TET2: variants seen among roughly 807,000 people sequenced by gnomAD.
TET2 encodes methylcytosine dioxygenase TET2.
TET2 carries 299 observed loss-of-function variants against 142.9 expected under a neutral mutation model. The ratio of observed to expected loss-of-function variants is 2.09; its 90% CI spans 1.90 to 2.30. The LOEUF (loss-of-function observed/expected upper bound fraction) is 2.30, where lower values mean the gene tolerates loss of function less well. Among genes scored for constraint, TET2 ranks in the 30% most tolerant of loss-of-function variants. TET2 has a pLI of 0.00. For synonymous variants in TET2, 819 were observed against 849.0 expected (o/e 0.96, Z 0.61); for missense variants, 2,418 against 2,378.0 (o/e 1.02, Z -0.35).
Position 105,235,444 on chromosome 4 carries a change from G to GT in TET2, c.1504dup (p.Ser502PhefsTer2). 6.2e-7 allele frequency: 1 copy of GT among 1,614,184 alleles called. No homozygotes were observed. Among genetic ancestry groups the GT allele is most frequent in the Non-Finnish European group, 8.5e-7 (1 of 1,180,024 alleles). On this transcript the variant is annotated frameshift_variant, in exon 3 of 11. Transcript: ENST00000380013. LOFTEE classifies it high-confidence loss of function. ...GCAGGGACAATGACTGTTCCATTGT[G>GT]TTCTGAGAAAACAAGACCAATGTCA...
intron 8 of TET2, among the ~76,000 whole-genome samples, chr4:105,267,920 A>G (rs1730768684): frequency 6.6e-6 from 1 of 152,152 alleles, no homozygotes; most frequent in Non-Finnish European, 1.5e-5. Flanking sequence ...ACATTCATAA[A>G]AGGAAACTTT....
At chr4:105,218,448 T>C (rs1727623010) in intron 2 of TET2, among the ~76,000 whole-genome samples, 1 of 152,092 alleles carries the variant, frequency 6.6e-6, no homozygotes, top group South Asian at 2.1e-4. Flanking sequence ...TTTAGCTTGT[T>C]TACTTATGTG....
intron 3 of TET2, chr4:105,240,738 C>G (rs1044060490): frequency 2.4e-5 from 26 of 1,080,114 alleles, no homozygotes; most frequent in Non-Finnish European, 2.8e-5. Context: ...TTGCAACAGC[C>G]CCTTCTTTTT....
intron 1 of TET2, among the ~76,000 whole-genome samples, chr4:105,148,656 G>C (rs1294187363): frequency 6.6e-6 from 1 of 152,130 alleles, no homozygotes; most frequent in Non-Finnish European, 1.5e-5. Context: ...ACTAAGGGGA[G>C]TTATGTTCTT....
In TET2 at chr4:105,235,966, C is replaced by G. The variant is rs1226795425; in HGVS notation, c.2024C>G (p.Ser675Ter). The stretch of plus-strand genomic sequence containing the variant: ...CATTTACCAAAAGCTCATGTGCAGT[C>G]ACTGTGTGGCACTAGATTTCATTTT... Reference protein sequence around the residue: ...TDHLPKAHVQSLCGTRFHFQQ... With the variant: ...TDHLPKAHVQ Residue 675 changes from serine (S) to a stop codon, truncating the protein, a stop_gained, in exon 3 of 11, where the codon TCA (serine) becomes TGA (stop). Transcript: ENST00000380013. LOFTEE classifies it high-confidence loss of function. The G allele has an allele frequency of 6.2e-7, 1 of 1,614,156 alleles. No homozygotes were observed. Among genetic ancestry groups the G allele is most frequent in the Non-Finnish European group, 8.5e-7 (1 of 1,180,006 alleles).
intron 8 of TET2, among the ~76,000 whole-genome samples, chr4:105,263,533 C>A (rs114471499): frequency 3.7e-4 from 57 of 152,196 alleles, no homozygotes; most frequent in African/African-American, 1.4e-3. Context: ...ACAGGTAGTT[C>A]TATTAACTAG....
At chr4:105,229,794 G>A (rs1443653526) in intron 2 of TET2, among the ~76,000 whole-genome samples, 2 of 151,452 alleles carry the variant, frequency 1.3e-5, no homozygotes, top group African/African-American at 2.4e-5. Context: ...ATTTTACAAA[G>A]GTATAGGTTG....
chr4:105,265,448 A>G (rs184224056), intron 8 of TET2, among the ~76,000 whole-genome samples: 1 of 152,342 alleles, frequency 6.6e-6, no homozygotes, highest in East Asian at 1.9e-4. Context: ...ATTTTTTAGG[A>G]GATGGCATAA....
chr4:105,171,320 A>G (rs757498424), intron 1 of TET2: 1 of 152,202 alleles, frequency 6.6e-6, no homozygotes, highest in Non-Finnish European at 1.5e-5. Context: ...TGAAAAAATG[A>G]TAATGATTAA....
In TET2 at chr4:105,235,736, T is replaced by A. The variant is rs1269738916; in HGVS notation, c.1794T>A (p.Asn598Lys). 1.2e-6 allele frequency: 2 copies of A among 1,614,080 alleles called. No individual in the cohort carries two copies. The highest frequency in any genetic ancestry group is 1.7e-6 in the Non-Finnish European group (2 of 1,180,004). Reference sequence around the variant, plus strand: ...TTCAGTATCAACCCAATCTCTCCAATCAAATGACCTCCAAACAATACACTG... The same window carrying A: ...TTCAGTATCAACCCAATCTCTCCAAACAAATGACCTCCAAACAATACACTG... ...SILQYQPNLS[N>K]QMTSKQYTGN... Residue 598 changes from asparagine to lysine, a missense_variant, in exon 3 of 11, where the codon AAT (asparagine) becomes AAA (lysine). Coordinates refer to ENST00000380013, the MANE Select transcript of TET2 (RefSeq NM_001127208.3).
Position 105,236,542 on chromosome 4 carries a change from A to C in TET2, c.2600A>C (p.Tyr867Ser), listed in dbSNP as rs765107506. 6.2e-7 allele frequency: 1 copy of C among 1,614,074 alleles called. No individual in the cohort carries two copies. ...ACCCAAAACTTGCATCACATGCAAT[A>C]TTTTCCAAATAATGTGATCCCAAAG... Reference protein sequence around the residue: ...NKTQNLHHMQYFPNNVIPKQD... With the variant: ...NKTQNLHHMQSFPNNVIPKQD... Residue 867 changes from tyrosine to serine, a missense_variant, in exon 3 of 11, where the codon TAT (tyrosine) becomes TCT (serine). Coordinates refer to ENST00000380013, the MANE Select transcript of TET2 (RefSeq NM_001127208.3).
At position 105,275,232 on chromosome 4, in the gene TET2, T is replaced by C; in HGVS notation, c.4722T>C (p.Asn1574=). The change falls in exon 11 of 11, where the codon AAT becomes AAC. Residue 1574 remains asparagine, a synonymous_variant. Coordinates refer to ENST00000380013, the MANE Select transcript of TET2 (RefSeq NM_001127208.3). ...CCAATCCATACATGAGACGGCCCAA[T>C]CCAGTTAGTCCTTATCCAAACTCTT... is the stretch of plus-strand genomic sequence containing the variant. The part of the protein sequence containing the change: ...GSTNPYMRRP[N]PVSPYPNSSH... 1 of 1,552,310 alleles carries C rather than the reference T, an allele frequency of 6.4e-7. No homozygotes were observed. Among genetic ancestry groups the C allele is most frequent in the Non-Finnish European group, 8.7e-7 (1 of 1,147,118 alleles).
chr4:105,243,898 C>G, intron 6 of TET2, 120 bp downstream of exon 6: 1 of 839,172 alleles, frequency 1.2e-6, no homozygotes, highest in Non-Finnish European at 1.9e-6. Context: ...CATCAAAATG[C>G]CTGTTTGGCA....
At chr4:105,221,226 A>G (rs1727795683) in intron 2 of TET2, among the ~76,000 whole-genome samples, 1 of 152,182 alleles carries the variant, frequency 6.6e-6, no homozygotes, top group African/African-American at 2.4e-5. Flanking sequence ...TTCAAAAAAC[A>G]ATTCCAGGAT....
Position 105,259,751 on chromosome 4 carries a change from T to G in TET2, c.3936T>G (p.Leu1312=), listed in dbSNP as rs1407564544. 6.4e-7 allele frequency: 1 copy of G among 1,550,892 alleles called. No homozygotes were observed. Among genetic ancestry groups the G allele is most frequent in the Admixed American group, 2.0e-5 (1 of 50,966 alleles). ...AGATCCCAAGGAAGTTTAAGCTGCT[T>G]GGGGATGACCCAAAAGAGGTTTGTT... is the stretch of plus-strand genomic sequence containing the variant. ...RSKIPRKFKL[L]GDDPKEEEKL... is the part of the protein sequence containing the mutation. Residue 1312 remains leucine (L), a synonymous_variant, in exon 7 of 11, where the codon CTT becomes CTG. Coordinates refer to ENST00000380013, the MANE Select transcript of TET2 (RefSeq NM_001127208.3).
chr4:105,261,899 A>T, intron 8 of TET2, 51 bp downstream of exon 8: 2 of 1,052,954 alleles, frequency 1.9e-6, no homozygotes, highest in Non-Finnish European at 2.8e-6. Context: ...CTTGTTACTA[A>T]TGACCTATGT....
Position 105,272,874 on chromosome 4 carries a change from G to T in TET2, c.4493G>T (p.Arg1498Leu). The change falls in exon 10 of 11, where the codon CGT (arginine) becomes CTT (leucine). Residue 1498 changes from arginine (R) to leucine (L), a missense_variant. By Grantham distance (102) the Arg-to-Leu change is moderately radical. Transcript: ENST00000380013. Reference sequence around the variant, plus strand: ...GAAAAGGAAAAGTCAGCCCCATCACGTACAAAACAAACTGAAAACGCAAGC... The same window carrying T: ...GAAAAGGAAAAGTCAGCCCCATCACTTACAAAACAAACTGAAAACGCAAGC... Reference protein sequence around the residue: ...KNEKEKSAPSRTKQTENASQA... With the variant: ...KNEKEKSAPSLTKQTENASQA... 1.3e-6 allele frequency: 2 copies of T among 1,545,500 alleles called. No individual in the cohort carries two copies. Among genetic ancestry groups the T allele is most frequent in the Non-Finnish European group, 1.7e-6 (2 of 1,145,218 alleles).
At chr4:105,203,605 A>G (rs1202140881) in intron 2 of TET2, among the ~76,000 whole-genome samples, 1 of 151,822 alleles carries the variant, frequency 6.6e-6, no homozygotes, top group Non-Finnish European at 1.5e-5. Context: ...TTTGTATACA[A>G]TACATTACGT....
intron 8 of TET2, among the ~76,000 whole-genome samples, chr4:105,263,825 G>A (rs899770445): frequency 1.3e-5 from 2 of 152,122 alleles, no homozygotes; most frequent in African/African-American, 4.8e-5. Flanking sequence ...AGCCAATGAA[G>A]TAAGAACTGG....
Sources: gnomAD v4.1 joint callset for allele counts (sites outside exome capture counted in the v4.1 genomes callset) on GRCh38, gnomAD v4.1.1 for gene constraint, MANE v1.5 for transcripts, NCBI Gene and HGNC (gene_info 2026-07-23, HGNC 2026-07-21) for gene names.